Variants in CPVL observed in about 807,000 individuals in gnomAD.
CPVL encodes the protein carboxypeptidase vitellogenic like, also known as probable serine carboxypeptidase CPVL.
CPVL carries 51 observed loss-of-function variants against 63.7 expected under a neutral mutation model. The ratio of observed to expected loss-of-function variants is 0.80; its 90% CI spans 0.64 to 1.01. CPVL has a LOEUF of 1.01. Ranked by LOEUF, CPVL falls within the 50% of genes least tolerant of loss-of-function variation. The probability of loss-of-function intolerance (pLI) is 0.00; values close to 1 mark genes in which losing one functional copy is unlikely to be tolerated. For synonymous variants in CPVL, 195 were observed against 206.0 expected, an observed-to-expected ratio of 0.95 and a Z score of 0.46; for missense variants, 530 against 573.1, an observed-to-expected ratio of 0.92 and a Z score of 0.77.
At chr7:29,183,645 A>AGGATTACAG (rs1798345112) in intron 4 of CPVL, among the ~76,000 whole-genome samples, 1 of 151,668 alleles carries the variant, frequency 6.6e-6, no homozygotes, top group Admixed American at 6.6e-5. Flanking sequence ...CCAAAGTACT[A>AGGATTACAG]GGATTACAGG....
intron 11 of CPVL, among the ~76,000 whole-genome samples, chr7:29,046,085 C>CTTTTT (rs1233373004): frequency 3.0e-5 from 4 of 135,350 alleles, no homozygotes; most frequent in African/African-American, 8.4e-5. Flanking sequence ...CTAGATGAAC[C>CTTTTT]TTTTTTTTTT....
intron 11 of CPVL, among the ~76,000 whole-genome samples, chr7:29,058,927 G>A (rs1201680132): frequency 6.6e-6 from 1 of 151,854 alleles, no homozygotes; most frequent in Non-Finnish European, 1.5e-5. Flanking sequence ...TGAGCTTCTG[G>A]AATCTGTGCT....
intron 1 of CPVL, among the ~76,000 whole-genome samples, chr7:29,144,334 G>T (rs542784541): frequency 3.3e-5 from 5 of 149,302 alleles, no homozygotes; most frequent in African/African-American, 1.2e-4. Flanking sequence ...GCCGAGGTGG[G>T]AGGATCACTT....
Position 29,092,666 on chromosome 7 carries a change from C to T in CPVL, c.499G>A (p.Gly167Arg), listed in dbSNP as rs751543732. Residue 167 changes from glycine (G) to arginine (R), a missense_variant, in exon 6 of 13, where the codon GGA becomes AGA. By Grantham distance (125) the Gly-to-Arg change is moderately radical. Transcript: ENST00000265394. ...ACATCGTCCTCATTGACTGCATATC[C>T]GTGGGTATCATCAGTAAAACTGAAG... ...TGFSFTDDTH[G>R]YAVNEDDVAR... The T allele has an allele frequency of 2.6e-5, 42 of 1,613,772 alleles. No individual in the cohort carries two copies. The highest frequency in any genetic ancestry group is 3.5e-5 in the Non-Finnish European group (41 of 1,179,816).
At chr7:29,016,827 C>T (rs1312664026) in intron 12 of CPVL, among the ~76,000 whole-genome samples, 3 of 152,162 alleles carry the variant, frequency 2.0e-5, no homozygotes, top group Non-Finnish European at 2.9e-5. Context: ...CTTGGGCATT[C>T]CAAACCTTAT....
intron 5 of CPVL, among the ~76,000 whole-genome samples, chr7:29,164,558 G>A (rs1389327905): frequency 6.6e-6 from 1 of 151,826 alleles, no homozygotes; most frequent in African/African-American, 2.4e-5. Context: ...GCTGAGGCGG[G>A]CAGATCATTT....
At chr7:29,009,702 G>C (rs1424789778) in intron 12 of CPVL, 1 of 152,012 alleles carries the variant, frequency 6.6e-6, no homozygotes, top group Non-Finnish European at 1.5e-5. Context: ...ATTATATATG[G>C]ATACGTATGT....
intron 1 of CPVL, chr7:29,191,880 G>A (rs1341465746): frequency 6.6e-6 from 1 of 152,210 alleles, no homozygotes. Flanking sequence ...AGGGATGTTA[G>A]CATTTTATTT....
At chr7:29,056,949 C>CTTTTTTTTTT (rs70977101) in intron 11 of CPVL, among the ~76,000 whole-genome samples, 2 of 118,046 alleles carry the variant, frequency 1.7e-5, no homozygotes, top group Non-Finnish European at 3.4e-5. Context: ...TTTTCCTTTT[C>CTTTTTTTTTT]TTTTTTTTTT....
At chr7:29,194,821 C>A (rs1783426446) in intron 1 of CPVL, 3 of 855,668 alleles carry the variant, frequency 3.5e-6, no homozygotes, top group Middle Eastern at 3.7e-4. Flanking sequence ...GTGCTTTCTG[C>A]GCGTCCCCAG....
intron 11 of CPVL, among the ~76,000 whole-genome samples, chr7:29,046,255 T>G (rs1267102607): frequency 6.6e-6 from 1 of 152,044 alleles, no homozygotes; most frequent in East Asian, 1.9e-4. Context: ...CGGCTAATTT[T>G]TTTGTATTTT....
intron 6 of CPVL, among the ~76,000 whole-genome samples, chr7:29,090,326 C>T (rs1785641624): frequency 6.6e-6 from 1 of 152,198 alleles, no homozygotes; most frequent in African/African-American, 2.4e-5. Context: ...ATTCACTCTA[C>T]ATCTAGCAAG....
chr7:29,144,417 C>T (rs1400379599), intron 1 of CPVL, among the ~76,000 whole-genome samples: 1 of 152,056 alleles, frequency 6.6e-6, no homozygotes, highest in Non-Finnish European at 1.5e-5. Flanking sequence ...AAAAATTAGC[C>T]GGGCATGGTG....
intron 1 of CPVL, chr7:29,192,289 C>T (rs1782985553): frequency 6.6e-6 from 1 of 152,172 alleles, no homozygotes; most frequent in Admixed American, 6.5e-5. Context: ...AGCAAATACC[C>T]CCGTCCCTTC....
intron 11 of CPVL, among the ~76,000 whole-genome samples, chr7:29,061,045 G>C (rs1376664104): frequency 6.6e-6 from 1 of 152,108 alleles, no homozygotes; most frequent in African/African-American, 2.4e-5. Context: ...ATTTTGTTCT[G>C]TTTCTTTATG....
At chr7:29,096,984 C>CAA (rs1165892123) in intron 3 of CPVL, among the ~76,000 whole-genome samples, 541 of 50,832 alleles carry the variant, frequency 0.011, 3 homozygotes, top group African/African-American at 0.015. Context: ...GACTCTGTCT[C>CAA]AAAAAAAAAA....
intron 3 of CPVL, among the ~76,000 whole-genome samples, chr7:29,098,184 G>GA: frequency 6.6e-6 from 1 of 152,198 alleles, no homozygotes; most frequent in Non-Finnish European, 1.5e-5. Flanking sequence ...CATTGACCTG[G>GA]ATGGCGGGAG....
intron 11 of CPVL, among the ~76,000 whole-genome samples, chr7:29,050,797 C>T (rs1167002319): frequency 6.7e-6 from 1 of 148,814 alleles, no homozygotes; most frequent in Admixed American, 6.7e-5. Flanking sequence ...CAAAGTGAGA[C>T]TAAGCAAAAA....
intron 1 of CPVL, among the ~76,000 whole-genome samples, chr7:29,122,083 G>C (rs1363511974): frequency 6.6e-6 from 1 of 152,132 alleles, no homozygotes; most frequent in Admixed American, 6.5e-5. Flanking sequence ...TATATTTATA[G>C]TGGGCTTTCC....
Sources: allele counts gnomAD v4.1 joint callset (sites outside exome capture counted in the v4.1 genomes callset), GRCh38; gene constraint gnomAD v4.1.1; transcripts MANE v1.5; gene names NCBI Gene and HGNC (gene_info 2026-07-23, HGNC 2026-07-21).